The following PPP6R3 variants were observed in gnomAD, a reference collection of about 807,000 sequenced individuals.
PPP6R3 encodes the protein protein phosphatase 6 regulatory subunit 3.
A neutral mutation model predicts 110.7 loss-of-function variants in PPP6R3; 38 were observed. That is an observed-to-expected ratio of 0.34 (90% CI 0.26 to 0.45). PPP6R3 has a LOEUF of 0.45. Ranked by LOEUF, PPP6R3 falls within the 20% of genes least tolerant of loss-of-function variation. The pLI, the probability that PPP6R3 is intolerant of heterozygous loss-of-function variation, is 1.00. For missense variants in PPP6R3, 870 were observed against 1,062.4 expected (o/e 0.82, Z 2.52); for synonymous variants, 369 against 373.5 (o/e 0.99, Z 0.14).
chr11:68,565,711 G>A (rs909851130), intron 9 of PPP6R3, among the ~76,000 whole-genome samples: 2 of 152,020 alleles, frequency 1.3e-5, no homozygotes, highest in African/African-American at 4.8e-5. Context: ...GCAGTGTCTT[G>A]TTTGGACTTC....
At chr11:68,480,628 A>C (rs1228934198) in intron 1 of PPP6R3, among the ~76,000 whole-genome samples, 1 of 152,196 alleles carries the variant, frequency 6.6e-6, no homozygotes, top group Non-Finnish European at 1.5e-5. Context: ...CCAGTCCAGC[A>C]AATGTTTGTT....
chr11:68,584,495 G>A (rs1209701098), intron 15 of PPP6R3, among the ~76,000 whole-genome samples: 4 of 152,154 alleles, frequency 2.6e-5, no homozygotes, highest in African/African-American at 9.7e-5. Context: ...AGGTAATTTT[G>A]TACCTGTTGA....
At chr11:68,610,154 C>CTG in intron 23 of PPP6R3, 131 bp downstream of exon 23, 1 of 1,286,360 alleles carries the variant, frequency 7.8e-7, no homozygotes, top group Non-Finnish European at 1.0e-6. Context: ...CCTGGCAGGA[C>CTG]AGGGTTTTCT....
intron 18 of PPP6R3, among the ~76,000 whole-genome samples, chr11:68,594,739 T>A (rs1237897159): frequency 6.6e-6 from 1 of 152,208 alleles, no homozygotes. Context: ...GCTTCTTAAA[T>A]TCATATGGAA....
At chr11:68,512,902 A>G (rs1010887410) in intron 1 of PPP6R3, among the ~76,000 whole-genome samples, 2 of 152,166 alleles carry the variant, frequency 1.3e-5, no homozygotes, top group African/African-American at 2.4e-5. Context: ...TGTAATTGAT[A>G]ATACCTCACT....
intron 1 of PPP6R3, among the ~76,000 whole-genome samples, chr11:68,464,119 A>G (rs534658338): frequency 6.6e-6 from 1 of 152,202 alleles, no homozygotes; most frequent in Admixed American, 6.5e-5. Flanking sequence ...ACCTCTGGAA[A>G]TGGTGGGATT....
intron 1 of PPP6R3, among the ~76,000 whole-genome samples, chr11:68,493,540 C>G (rs2098996272): frequency 6.7e-6 from 1 of 150,260 alleles, no homozygotes. Context: ...CAAAGTGATC[C>G]TCCTGCTACA....
intron 1 of PPP6R3, among the ~76,000 whole-genome samples, chr11:68,468,039 G>A (rs1041733771): frequency 6.6e-6 from 1 of 152,188 alleles, no homozygotes; most frequent in Non-Finnish European, 1.5e-5. Context: ...CTCCCAAAGT[G>A]TTGAAATTAC....
chr11:68,469,509 G>T (rs1172793474), intron 1 of PPP6R3, among the ~76,000 whole-genome samples: 1 of 151,854 alleles, frequency 6.6e-6, no homozygotes, highest in Non-Finnish European at 1.5e-5. Flanking sequence ...GAGTAGCTGG[G>T]ACTGTAGGCA....
chr11:68,477,890 A>G (rs2098847071), intron 1 of PPP6R3, among the ~76,000 whole-genome samples: 2 of 150,638 alleles, frequency 1.3e-5, no homozygotes, highest in Non-Finnish European at 3.0e-5. Context: ...TTTGCTTTTC[A>G]TCTGTAAAGT....
At chr11:68,536,544 G>A (rs562910857) in intron 2 of PPP6R3, among the ~76,000 whole-genome samples, 138 of 152,246 alleles carry the variant, frequency 9.1e-4, no homozygotes, top group African/African-American at 3.2e-3. Flanking sequence ...AGGATTACAG[G>A]TGTGAGCCAC....
intron 8 of PPP6R3, among the ~76,000 whole-genome samples, chr11:68,561,858 A>G (rs1416860082): frequency 6.6e-6 from 1 of 152,166 alleles, no homozygotes; most frequent in East Asian, 1.9e-4. Flanking sequence ...TCCTGGGCCT[A>G]AGTGATCTTC....
At chr11:68,561,882 C>T (rs2099424031) in intron 8 of PPP6R3, among the ~76,000 whole-genome samples, 1 of 152,152 alleles carries the variant, frequency 6.6e-6, no homozygotes, top group Non-Finnish European at 1.5e-5. Flanking sequence ...CTTTAGCCTC[C>T]TGAAGTAGCT....
At chr11:68,548,523 G>A (rs920927654) in intron 5 of PPP6R3, among the ~76,000 whole-genome samples, 19 of 152,140 alleles carry the variant, frequency 1.2e-4, no homozygotes, top group African/African-American at 3.6e-4. Flanking sequence ...AGCTGGTTCT[G>A]ATGGTAAAAG....
chr11:68,560,370 C>T (rs765171972), intron 8 of PPP6R3, among the ~76,000 whole-genome samples: 1 of 152,096 alleles, frequency 6.6e-6, no homozygotes, highest in African/African-American at 2.4e-5. Flanking sequence ...TGACTGTGTG[C>T]TATGGACTTT....
chr11:68,546,542 G>T (rs1485252521), intron 4 of PPP6R3, among the ~76,000 whole-genome samples: 1 of 152,190 alleles, frequency 6.6e-6, no homozygotes, highest in Non-Finnish European at 1.5e-5. Context: ...GGATTCAGTG[G>T]CTGTGAGTTA....
chr11:68,550,043 G>T (rs971494104), intron 5 of PPP6R3, among the ~76,000 whole-genome samples: 3 of 151,996 alleles, frequency 2.0e-5, no homozygotes, highest in Non-Finnish European at 2.9e-5. Flanking sequence ...CTCTGTTTCG[G>T]GACATTATTA....
At chr11:68,483,847 G>A (rs2098930420) in intron 1 of PPP6R3, among the ~76,000 whole-genome samples, 1 of 152,126 alleles carries the variant, frequency 6.6e-6, no homozygotes, top group Non-Finnish European at 1.5e-5. Context: ...ATACAGAATG[G>A]TTTCACTGCC....
intron 8 of PPP6R3, among the ~76,000 whole-genome samples, chr11:68,562,460 A>G (rs374008793): frequency 3.9e-4 from 59 of 152,358 alleles, no homozygotes; most frequent in African/African-American, 1.4e-3. Flanking sequence ...CACAAGAATC[A>G]AAGTACAGTA....
Sources: allele counts gnomAD v4.1 joint callset (sites outside exome capture counted in the v4.1 genomes callset), GRCh38; gene constraint gnomAD v4.1.1; transcripts MANE v1.5; gene names NCBI Gene and HGNC (gene_info 2026-07-23, HGNC 2026-07-21).